The following WDFY4 variants were observed in gnomAD, a reference collection of about 807,000 sequenced individuals.
The protein encoded by WDFY4 is WDFY family member 4, also known as WD repeat- and FYVE domain-containing protein 4.
Under a neutral mutation model 351.9 loss-of-function variants are expected in WDFY4, and 169 were observed. The observed-to-expected ratio is 0.48, with a 90% CI of 0.42 to 0.55. The LOEUF is 0.55. Among genes scored for constraint, WDFY4 ranks in the 20% least tolerant of loss-of-function variants. The pLI is 0.00. For missense variants in WDFY4, 3,803 were observed against 3,935.6 expected, an observed-to-expected ratio of 0.97 and a Z score of 0.90; for synonymous variants, 1,622 against 1,574.6, an observed-to-expected ratio of 1.03 and a Z score of -0.71.
intron 39 of WDFY4, among the ~76,000 whole-genome samples, chr10:48,865,177 ATGT>A (rs2069499161): frequency 1.3e-5 from 2 of 152,184 alleles, no homozygotes; most frequent in African/African-American, 2.4e-5. Context: ...ACCAAGTATA[ATGT>A]TGTATAATGT....
intron 24 of WDFY4, among the ~76,000 whole-genome samples, chr10:48,796,754 A>G (rs532909119): frequency 6.6e-6 from 1 of 152,298 alleles, no homozygotes; most frequent in South Asian, 2.1e-4. Flanking sequence ...CTGGGAAAGG[A>G]TTTTTAAACT....
chr10:48,809,436 TCAC>T (rs1457558759), intron 28 of WDFY4, among the ~76,000 whole-genome samples: 8 of 149,868 alleles, frequency 5.3e-5, no homozygotes, highest in Non-Finnish European at 8.9e-5. Flanking sequence ...TTAATCACCA[TCAC>T]CACCACCACC....
At chr10:48,841,855 A>G (rs573626966) in intron 39 of WDFY4, among the ~76,000 whole-genome samples, 1 of 152,326 alleles carries the variant, frequency 6.6e-6, no homozygotes, top group East Asian at 1.9e-4. Context: ...CCCAAGATAG[A>G]AGCCAGCATG....
At chr10:48,893,754 C>T (rs918704650) in intron 44 of WDFY4, among the ~76,000 whole-genome samples, 1 of 152,164 alleles carries the variant, frequency 6.6e-6, no homozygotes. Flanking sequence ...TATGTTTTAT[C>T]CTGAAATCCA....
intron 1 of WDFY4, among the ~76,000 whole-genome samples, chr10:48,686,051 G>A (rs562370792): frequency 2.0e-5 from 3 of 152,152 alleles, no homozygotes; most frequent in Middle Eastern, 3.4e-3. Context: ...TGGCAGAGCC[G>A]GGTAAGGGGC....
At chr10:48,977,852 GC>G (rs763812897) in intron 59 of WDFY4, among the ~76,000 whole-genome samples, 1 of 152,242 alleles carries the variant, frequency 6.6e-6, no homozygotes, top group Non-Finnish European at 1.5e-5. Flanking sequence ...TGAATGAGAA[GC>G]CATTTTGAGT....
intron 57 of WDFY4, among the ~76,000 whole-genome samples, chr10:48,973,245 C>T (rs1842411593): frequency 1.3e-5 from 2 of 152,228 alleles, no homozygotes; most frequent in Non-Finnish European, 2.9e-5. Flanking sequence ...ACTGAGTCAT[C>T]AGACTTAGTT....
rs1297184784 is a variant in WDFY4 at position 48,814,010 on chromosome 10, A to G, written c.5268A>G (p.Glu1756=). The G allele has an allele frequency of 1.9e-6, 3 of 1,550,822 alleles. No homozygotes were observed. Among genetic ancestry groups the G allele is most frequent in the Non-Finnish European group, 2.6e-6 (3 of 1,146,530 alleles). The part of the protein sequence containing the change: ...QWLLQRHHQE[E]VLQAGLCTEG... ...TCCTGCAGAGGCACCACCAGGAAGA[A>G]GTCCTCCAGGCTGGGCTGTGCACAG... The change falls in exon 31 of 62, where the codon GAA becomes GAG. Residue 1756 remains glutamate, a synonymous_variant. Transcript: ENST00000325239.
intron 13 of WDFY4, among the ~76,000 whole-genome samples, chr10:48,768,449 C>A (rs994776127): frequency 3.9e-5 from 6 of 152,318 alleles, no homozygotes; most frequent in African/African-American, 1.4e-4. Context: ...ACCTGCCCCG[C>A]CTTCACATGT....
intron 15 of WDFY4, 131 bp from the exon 16 acceptor site, chr10:48,776,619 G>A (rs1382426041): frequency 2.2e-6 from 2 of 912,552 alleles, no homozygotes; most frequent in African/African-American, 3.3e-5. Context: ...CCTCGCTGGT[G>A]CTTAGGAAGT....
intron 47 of WDFY4, among the ~76,000 whole-genome samples, chr10:48,915,273 A>G (rs1838408471): frequency 6.6e-6 from 1 of 152,226 alleles, no homozygotes; most frequent in Admixed American, 6.5e-5. Context: ...CTCAATAACA[A>G]GGTCCACAGC....
At chr10:48,922,984 A>G (rs1169514884) in intron 47 of WDFY4, among the ~76,000 whole-genome samples, 1 of 152,218 alleles carries the variant, frequency 6.6e-6, no homozygotes, top group Non-Finnish European at 1.5e-5. Flanking sequence ...GAATCTGTAC[A>G]TCTGTTGAAG....
At chr10:48,842,367 C>T (rs2068635888) in intron 39 of WDFY4, among the ~76,000 whole-genome samples, 1 of 151,984 alleles carries the variant, frequency 6.6e-6, no homozygotes, top group African/African-American at 2.4e-5. Flanking sequence ...CTGCGACAAG[C>T]AGTGTCCTCA....
intron 47 of WDFY4, among the ~76,000 whole-genome samples, chr10:48,906,654 C>T (rs541740275): frequency 1.3e-5 from 2 of 152,300 alleles, no homozygotes; most frequent in South Asian, 4.1e-4. Flanking sequence ...GCAGGAACTG[C>T]AGGGAAAGGG....
intron 35 of WDFY4, among the ~76,000 whole-genome samples, chr10:48,824,987 G>A (rs1054071698): frequency 3.3e-5 from 5 of 152,090 alleles, no homozygotes; most frequent in Admixed American, 6.5e-5. Context: ...GGGTACATGT[G>A]CAGGATGTGC....
rs1565198929 is a variant in WDFY4, at chr10:48,787,930, CT to C, written c.3809-598del. 1.5e-4 allele frequency among the ~76,000 whole-genome samples: 13 copies of C among 89,246 alleles called. No homozygotes were observed. The South Asian group carries it at 1.7e-3, about 12-fold the overall frequency. The allele number at this position is 89,246 out of a possible 152,430, so 58.5% of individuals were successfully genotyped here. A position where few individuals can be genotyped will look rare whatever the true frequency, so the allele number is the denominator to read the frequency against. ...TCTTCTTCTTCTTCTTCTTCTTCTT[CT>C]TCTTCTTCTTCTTCTTCTTCTTCTT... On this transcript the variant is annotated intron_variant, in intron 20 of 61. Transcript: ENST00000325239.
At chr10:48,846,109 A>T (rs2133147233) in intron 39 of WDFY4, among the ~76,000 whole-genome samples, 1 of 152,350 alleles carries the variant, frequency 6.6e-6, no homozygotes, top group Middle Eastern at 3.4e-3. Flanking sequence ...AACCATCATT[A>T]GTTTCCAAGC....
chr10:48,771,137 G>C (rs1052911702), intron 13 of WDFY4, among the ~76,000 whole-genome samples: 4 of 152,210 alleles, frequency 2.6e-5, no homozygotes, highest in African/African-American at 4.8e-5. Flanking sequence ...AGGGGCCTGG[G>C]TGAGCCATCC....
At chr10:48,976,720 C>T (rs1842584756) in intron 58 of WDFY4, 77 bp from the exon 59 acceptor site, 3 of 1,271,028 alleles carry the variant, frequency 2.4e-6, no homozygotes, top group African/African-American at 3.1e-5. Context: ...TTGGGTGTAC[C>T]AACTGGGTAG....
Sources: allele counts gnomAD v4.1 joint callset (sites outside exome capture counted in the v4.1 genomes callset), GRCh38; gene constraint gnomAD v4.1.1; transcripts MANE v1.5; gene names NCBI Gene and HGNC (gene_info 2026-07-23, HGNC 2026-07-21).